Variants in DNHD1 observed in about 807,000 individuals in gnomAD.
DNHD1 encodes dynein heavy chain domain-containing protein 1.
Under a neutral mutation model 458.1 loss-of-function variants are expected in DNHD1, and 383 were observed. That is an observed-to-expected ratio of 0.84 (90% CI 0.77 to 0.91). The LOEUF (loss-of-function observed/expected upper bound fraction) is 0.91, where lower values mean the gene tolerates loss of function less well. DNHD1 is among the 40% of genes least tolerant of loss of function. The pLI, the probability that DNHD1 is intolerant of heterozygous loss-of-function variation, is 0.00. For synonymous variants in DNHD1, 2,203 were observed against 2,376.9 expected (o/e 0.93, Z 2.13); for missense variants, 5,336 against 5,866.1 (o/e 0.91, Z 2.95).
chr11:6,522,223 A>G (rs1263177574), intron 10 of DNHD1, among the ~76,000 whole-genome samples: 2 of 151,646 alleles, frequency 1.3e-5, no homozygotes, highest in African/African-American at 2.4e-5. Context: ...TAAGTTCCTT[A>G]TAGATGCTAG....
chr11:6,567,761 T>A lies in DNHD1; in HGVS notation c.12252T>A (p.Ala4084=). Residue 4084 remains alanine (A), a synonymous_variant, in exon 36 of 43, where the codon GCT becomes GCA. Transcript: ENST00000254579. ...CCATGCCCTTTAAACATAGTCAGGC[T>A]ACTCAGCCCATGCTGATCTTGTTGC... ...APTMPFKHSQ[A]TQPMLILLPP... 1 of 1,614,004 alleles carries A rather than the reference T, an allele frequency of 6.2e-7. No individual in the cohort carries two copies. The highest frequency in any genetic ancestry group is 1.1e-5 in the South Asian group (1 of 91,090).
chr11:6,545,659 C>A lies in DNHD1; in HGVS notation c.4720C>A (p.Leu1574Met), dbSNP rs1232482673. 6.4e-7 allele frequency: 1 copy of A among 1,551,784 alleles called. No homozygotes were observed. The highest frequency in any genetic ancestry group is 8.7e-7 in the Non-Finnish European group (1 of 1,147,008). Residue 1574 changes from leucine (L) to methionine (M), a missense_variant, in exon 21 of 43, where the codon CTG (leucine) becomes ATG (methionine). This residue lies in a region of DNHD1 where 3,932 missense variants were observed against 4,365.6 expected (regional missense o/e 0.90). Transcript: ENST00000254579. The surrounding 1 kb of genome is among the most constrained non-coding windows in gnomAD (Gnocchi z 4.9). ...CCGCCAGACCAGCCTTCTCAGTGCC[C>A]TGCTGGTCATGGCAGTGACTCACCG... is the stretch of plus-strand genomic sequence containing the variant. ...SVRQTSLLSA[L>M]LVMAVTHRDI...
rs1428201931 is a variant in DNHD1, at chr11:6,566,934, C to T, written c.11425C>T (p.Arg3809Cys). Residue 3809 changes from arginine (R) to cysteine (C), a missense_variant, in exon 36 of 43, where the codon CGT becomes TGT. Coordinates refer to ENST00000254579, the MANE Select transcript of DNHD1 (RefSeq NM_144666.3). ...LTMLLFQNPK[R>C]QKPAKFLRNI... ...GATGCTGCTGTTCCAGAATCCGAAG[C>T]GTCAGAAGCCAGCCAAGTTTCTGCG... 1.3e-5 allele frequency: 21 copies of T among 1,613,412 alleles called. No homozygotes were observed. The highest frequency in any genetic ancestry group is 3.3e-5 in the South Asian group (3 of 91,008).
intron 14 of DNHD1, among the ~76,000 whole-genome samples, chr11:6,536,175 G>T (rs1048507579): frequency 6.6e-6 from 1 of 152,088 alleles, no homozygotes; most frequent in Non-Finnish European, 1.5e-5. Flanking sequence ...ATACTTCAAA[G>T]ATGTCTGTTA....
At chr11:6,501,176 A>C (rs906187318) in intron 3 of DNHD1, among the ~76,000 whole-genome samples, 1 of 152,202 alleles carries the variant, frequency 6.6e-6, no homozygotes, top group Non-Finnish European at 1.5e-5. Context: ...ATTGTGGTGC[A>C]TTGAGGAGTG....
intron 4 of DNHD1, among the ~76,000 whole-genome samples, chr11:6,506,797 T>A (rs1239973142): frequency 6.6e-6 from 1 of 152,216 alleles, no homozygotes; most frequent in Non-Finnish European, 1.5e-5. Context: ...GTTTATCATC[T>A]TCTCTAGTAG....
Position 6,508,875 on chromosome 11 carries a change from T to A in DNHD1, c.921-5T>A, listed in dbSNP as rs376990274. ...CCTTCACTGATCAGAGCTCTTTTTT[T>A]AAAGGCCTTACAGCCTGATGGTGGT... is the stretch of plus-strand genomic sequence containing the variant. On this transcript the variant is annotated splice_polypyrimidine_tract_variant and splice_region_variant and intron_variant, in intron 4 of 42. Transcript: ENST00000254579. 1 of 1,613,954 alleles carries A rather than the reference T, an allele frequency of 6.2e-7. No homozygotes were observed. Among genetic ancestry groups the A allele is most frequent in the South Asian group, 1.1e-5 (1 of 91,066 alleles).
In DNHD1 at chr11:6,571,461, C is replaced by T; in HGVS notation, c.13911+38C>T. On this transcript the variant is annotated intron_variant, in intron 42 of 42. Coordinates refer to ENST00000254579, the MANE Select transcript of DNHD1 (RefSeq NM_144666.3). This position sits in a 1 kb window ranked among gnomAD's most constrained non-coding sequence, Gnocchi z 5.0. ...CGCCCCTCGTTCGCGGTTCCAGTCC[C>T]CTCGAAGTCTCTAATTACACCTCGC... is the stretch of plus-strand genomic sequence containing the variant. 1 of 1,521,584 alleles carries T rather than the reference C, an allele frequency of 6.6e-7. No homozygotes were observed. The highest frequency in any genetic ancestry group is 2.0e-5 in the Admixed American group (1 of 49,468). 94.3% of individuals were successfully genotyped at this position (1,521,584 alleles called of 1,614,324 possible).
chr11:6,545,785 C>T lies in DNHD1; in HGVS notation c.4846C>T (p.Pro1616Ser), dbSNP rs1853200088. Reference sequence around the variant, plus strand: ...TCACTTGGGTTCACCTCACATAATCCCCAAAAGCCCCCTACAGAGTCTTAA... The same window carrying T: ...TCACTTGGGTTCACCTCACATAATCTCCAAAAGCCCCCTACAGAGTCTTAA... ...KYHLGSPHII[P>S]KSPLQSLKTI... Residue 1616 changes from proline to serine, a missense_variant, in exon 21 of 43, where the codon CCC (proline) becomes TCC (serine). Pro to Ser is a moderately conservative substitution (Grantham distance 74). Transcript: ENST00000254579. This position sits in a 1 kb window ranked among gnomAD's most constrained non-coding sequence, Gnocchi z 4.9. The T allele has an allele frequency of 6.4e-7, 1 of 1,551,782 alleles. No individual in the cohort carries two copies. Among genetic ancestry groups the T allele is most frequent in the Non-Finnish European group, 8.7e-7 (1 of 1,147,014 alleles).
chr11:6,511,138 A>C, intron 6 of DNHD1, 135 bp from the exon 7 acceptor site: 2 of 1,191,002 alleles, frequency 1.7e-6, no homozygotes, highest in East Asian at 2.4e-5. Context: ...AGCTGTCACT[A>C]TTGGTCACTG....
intron 7 of DNHD1, among the ~76,000 whole-genome samples, chr11:6,513,615 T>C (rs1852391765): frequency 6.6e-6 from 1 of 152,248 alleles, no homozygotes; most frequent in Non-Finnish European, 1.5e-5. Context: ...CATTCTTCTA[T>C]TGTGGACATT....
chr11:6,570,679 A>G lies in DNHD1; in HGVS notation c.13167A>G (p.Pro4389=). 1 of 1,611,754 alleles carries G rather than the reference A, an allele frequency of 6.2e-7. No homozygotes were observed. The highest frequency in any genetic ancestry group is 8.5e-7 in the Non-Finnish European group (1 of 1,179,046). Residue 4389 remains proline (P), a synonymous_variant, in exon 42 of 43, where the codon CCA becomes CCG. Coordinates refer to ENST00000254579, the MANE Select transcript of DNHD1 (RefSeq NM_144666.3). ...CKAQMHLLPS[P]PEPRLCGLSE... ...CCCAGATGCACCTACTGCCCTCACC[A>G]CCTGAACCCCGGCTCTGCGGACTGA...
intron 4 of DNHD1, 123 bp downstream of exon 4, chr11:6,503,049 C>T: frequency 9.3e-7 from 1 of 1,073,296 alleles, no homozygotes; most frequent in Non-Finnish European, 1.3e-6. Context: ...TACTCCTCCT[C>T]TGACTCTAGT....
At chr11:6,510,003 A>C (rs1321227888) in intron 6 of DNHD1, among the ~76,000 whole-genome samples, 1 of 152,134 alleles carries the variant, frequency 6.6e-6, no homozygotes, top group Non-Finnish European at 1.5e-5. Context: ...GCTACCTTAC[A>C]TTTCAGGATT....
chr11:6,542,912 C>G (rs1186383216), intron 18 of DNHD1, among the ~76,000 whole-genome samples: 1 of 152,214 alleles, frequency 6.6e-6, no homozygotes, highest in Non-Finnish European at 1.5e-5. Context: ...CTTCGTGCTA[C>G]CTCGTCATAA....
chr11:6,561,512 AT>A (rs775189800), intron 28 of DNHD1, among the ~76,000 whole-genome samples: 7 of 152,342 alleles, frequency 4.6e-5, no homozygotes, highest in Non-Finnish European at 8.8e-5. Context: ...CATGGTGCTT[AT>A]AGTTTAGCAG....
intron 6 of DNHD1, among the ~76,000 whole-genome samples, chr11:6,510,697 A>G (rs934797758): frequency 2.0e-5 from 3 of 152,252 alleles, no homozygotes; most frequent in Non-Finnish European, 4.4e-5. Flanking sequence ...AAAGTGCCAC[A>G]TTCAGTACCT....
At position 6,562,935 on chromosome 11, in the gene DNHD1, G is replaced by A. The variant is rs192798606; in HGVS notation, c.9520-47G>A. ...ATCATAGGGTCTTCTGGGGTTTCCC[G>A]CGTGGCCCAAGATCTGGAGCTGCAG... On this transcript the variant is annotated intron_variant, in intron 28 of 42. Transcript: ENST00000254579. The A allele has an allele frequency of 8.8e-4, 1,354 of 1,534,780 alleles. 1 individual carries two copies. Among genetic ancestry groups the A allele is most frequent in the Non-Finnish European group, 1.1e-3 (1,233 of 1,137,592 alleles).
intron 7 of DNHD1, among the ~76,000 whole-genome samples, chr11:6,514,046 T>C (rs2466535): frequency 0.58 from 87,375 of 151,526 alleles, 26,259 homozygotes; most frequent in African/African-American, 0.73. Flanking sequence ...CGGGGTTTCA[T>C]CATGTTAGCC....
Sources: gnomAD v4.1 joint callset for allele counts (sites outside exome capture counted in the v4.1 genomes callset) on GRCh38, gnomAD v4.1.1 for gene constraint, gnomAD v4.1.1 regional missense constraint, Gnocchi (gnomAD v3.1) non-coding constraint, MANE v1.5 for transcripts, NCBI Gene and HGNC (gene_info 2026-07-23, HGNC 2026-07-21) for gene names.